The following SLC45A4 variants were observed in gnomAD, a reference collection of about 807,000 sequenced individuals.
The protein encoded by SLC45A4 is polyamine-transporter SLC45A4.
Under a neutral mutation model 63.7 loss-of-function variants are expected in SLC45A4, and 32 were observed. That is an observed-to-expected ratio of 0.50 (90% CI 0.38 to 0.67). The LOEUF (loss-of-function observed/expected upper bound fraction) is 0.67, where lower values mean the gene tolerates loss of function less well. Among genes scored for constraint, SLC45A4 ranks in the 30% least tolerant of loss-of-function variants. SLC45A4 has a pLI of 0.00. For synonymous variants in SLC45A4, 535 were observed against 510.0 expected, an observed-to-expected ratio of 1.05 and a Z score of -0.66; for missense variants, 1,027 against 1,157.7, an observed-to-expected ratio of 0.89 and a Z score of 1.64.
At chr8:141,274,851 C>G (rs1202681928) in intron 1 of SLC45A4, among the ~76,000 whole-genome samples, 1 of 152,254 alleles carries the variant, frequency 6.6e-6, no homozygotes, top group African/African-American at 2.4e-5. Flanking sequence ...TCTGCAAAAC[C>G]CTTCTACTTC....
At chr8:141,251,476 A>G (rs892284146) in intron 2 of SLC45A4, among the ~76,000 whole-genome samples, 1 of 151,480 alleles carries the variant, frequency 6.6e-6, no homozygotes, top group Non-Finnish European at 1.5e-5. Context: ...CCCCTGGCCC[A>G]CAGATGTGGG....
At chr8:141,265,098 A>G (rs1829208888) in intron 1 of SLC45A4, among the ~76,000 whole-genome samples, 1 of 152,278 alleles carries the variant, frequency 6.6e-6, no homozygotes, top group Non-Finnish European at 1.5e-5. Context: ...CAAAATATGC[A>G]TAGCTGCCAA....
chr8:141,217,461 T>C (rs1345163920), intron 5 of SLC45A4, among the ~76,000 whole-genome samples: 1 of 152,230 alleles, frequency 6.6e-6, no homozygotes, highest in East Asian at 1.9e-4. Context: ...TGGGCTGGTC[T>C]GGACTTGCAG....
chr8:141,232,685 G>A (rs180802951), intron 2 of SLC45A4, among the ~76,000 whole-genome samples: 8 of 145,888 alleles, frequency 5.5e-5, no homozygotes, highest in African/African-American at 2.1e-4. Context: ...CCAGGTGAGC[G>A]CTCACCAGCT....
chr8:141,248,440 G>A (rs979994049), intron 2 of SLC45A4, among the ~76,000 whole-genome samples: 3 of 151,884 alleles, frequency 2.0e-5, no homozygotes, highest in Admixed American at 6.6e-5. Context: ...GTGGTGGTGC[G>A]TACCTACAGT....
chr8:141,272,795 T>A (rs1487807646), intron 1 of SLC45A4, among the ~76,000 whole-genome samples: 1 of 152,132 alleles, frequency 6.6e-6, no homozygotes, highest in African/African-American at 2.4e-5. Context: ...GCTCTCCCCC[T>A]TCCCTCCACA....
At chr8:141,238,159 C>T (rs140607603) in intron 2 of SLC45A4, among the ~76,000 whole-genome samples, 3 of 152,308 alleles carry the variant, frequency 2.0e-5, no homozygotes, top group Non-Finnish European at 2.9e-5. Flanking sequence ...GACGCGTGCC[C>T]GAGTCTCCGA....
chr8:141,235,960 C>T (rs756469180), intron 2 of SLC45A4, among the ~76,000 whole-genome samples: 42 of 152,124 alleles, frequency 2.8e-4, no homozygotes, highest in Non-Finnish European at 4.7e-4. Flanking sequence ...AAAAATTAGC[C>T]GGGTGTGGTG....
chr8:141,294,644 A>T (rs1480455880), intron 1 of SLC45A4, among the ~76,000 whole-genome samples: 3 of 152,216 alleles, frequency 2.0e-5, no homozygotes, highest in Non-Finnish European at 4.4e-5. Context: ...CAACGTGGCA[A>T]CCCACGTCCC....
intron 1 of SLC45A4, among the ~76,000 whole-genome samples, chr8:141,277,518 A>T (rs1829771741): frequency 6.6e-6 from 1 of 152,232 alleles, no homozygotes; most frequent in South Asian, 2.1e-4. Context: ...CTGAAAGCTT[A>T]TCACAGACGT....
Position 141,215,610 on chromosome 8 carries a change from G to A in SLC45A4, c.1941+149C>T, listed in dbSNP as rs1358288091. 2.6e-6 allele frequency: 2 copies of A among 782,384 alleles called. No homozygotes were observed. The highest frequency in any genetic ancestry group is 2.1e-6 in the Non-Finnish European group (1 of 484,676). The allele number at this position is 782,384 out of a possible 1,614,324, so 48.5% of individuals were successfully genotyped here. ...TCAGGGGCAGGTGGTGGCTCTGTGG[G>A]CTTTGGAAGGGGCCATCTCAGAACC... On this transcript the variant is annotated intron_variant, in intron 7 of 8. Coordinates refer to ENST00000517878, the MANE Select transcript of SLC45A4 (RefSeq NM_001286646.2). This position sits in a 1 kb window ranked among gnomAD's most constrained non-coding sequence, Gnocchi z 4.3.
intron 2 of SLC45A4, among the ~76,000 whole-genome samples, chr8:141,243,332 C>T (rs765291241): frequency 1.3e-5 from 2 of 152,202 alleles, no homozygotes; most frequent in African/African-American, 2.4e-5. Context: ...AAGCACGAAG[C>T]GCAGTGGCAT....
Position 141,219,825 on chromosome 8 carries a change from C to G in SLC45A4, c.435G>C (p.Leu145=). ...ALFLNGSAIG[L]ALGDVPNRQP... is the part of the protein sequence containing the mutation. ...GCCGGTTGGGGACATCGCCGAGGGC[C>G]AGACCTGCGCAGAGCACACGGGAGG... Residue 145 remains leucine, a synonymous_variant, in exon 4 of 9, where the codon CTG becomes CTC. Coordinates refer to ENST00000517878, the MANE Select transcript of SLC45A4 (RefSeq NM_001286646.2). The G allele has an allele frequency of 6.3e-7, 1 of 1,575,652 alleles. No homozygotes were observed.
At position 141,212,586 on chromosome 8, in the gene SLC45A4, C is replaced by T. The variant is rs558892917; in HGVS notation, c.1942-30G>A. On this transcript the variant is annotated intron_variant, in intron 7 of 8. Transcript: ENST00000517878. ...AAGAGAGGAAACACGAGGCGGTGAG[C>T]GGCTGGAGAAGGTGGCTGCTACCCG... 2.3e-4 allele frequency: 359 copies of T among 1,565,104 alleles called. 1 individual carries two copies. In the South Asian group the frequency reaches 3.7e-3, roughly 16 times the overall value.
intron 2 of SLC45A4, chr8:141,252,578 TG>T (rs1828527733): frequency 2.1e-4 from 26 of 126,350 alleles, no homozygotes; most frequent in African/African-American, 6.8e-4. Context: ...CACCTGCGAG[TG>T]TCTGTGAATT....
chr8:141,240,197 G>A (rs1021682694), intron 2 of SLC45A4, among the ~76,000 whole-genome samples: 1 of 152,230 alleles, frequency 6.6e-6, no homozygotes, highest in African/African-American at 2.4e-5. Flanking sequence ...AAATAAATCT[G>A]CAGACGTCAC....
At chr8:141,211,812 T>C (rs982398545) in intron 8 of SLC45A4, 115 bp from the exon 9 acceptor site, 5 of 1,332,292 alleles carry the variant, frequency 3.8e-6, no homozygotes, top group Non-Finnish European at 4.8e-6. Context: ...ATTATAATTT[T>C]AGAAATGCAA....
intron 3 of SLC45A4, among the ~76,000 whole-genome samples, chr8:141,220,332 A>G (rs930296006): frequency 1.3e-5 from 2 of 152,020 alleles, no homozygotes; most frequent in African/African-American, 4.8e-5. Context: ...CGACACCCCA[A>G]ACTTTAGGGG....
intron 3 of SLC45A4, 146 bp from the exon 4 acceptor site, chr8:141,219,975 G>C: frequency 2.6e-6 from 2 of 759,448 alleles, no homozygotes; most frequent in Non-Finnish European, 4.1e-6. Flanking sequence ...GAGGCTCTTA[G>C]GCACAGAGGC....
Sources: gnomAD v4.1 joint callset for allele counts (sites outside exome capture counted in the v4.1 genomes callset) on GRCh38, gnomAD v4.1.1 for gene constraint, Gnocchi (gnomAD v3.1) non-coding constraint, MANE v1.5 for transcripts, NCBI Gene and HGNC (gene_info 2026-07-23, HGNC 2026-07-21) for gene names.